Variants in PES1 observed in about 807,000 individuals in gnomAD.
PES1 encodes pescadillo homolog.
Under a neutral mutation model 77.1 loss-of-function variants are expected in PES1, and 31 were observed. The observed-to-expected ratio is 0.40, with a 90% CI of 0.30 to 0.54. The LOEUF (loss-of-function observed/expected upper bound fraction) is 0.54, where lower values mean the gene tolerates loss of function less well. Among genes scored for constraint, PES1 ranks in the 20% least tolerant of loss-of-function variants. The pLI is 0.45. For synonymous variants in PES1, 282 were observed against 303.0 expected (o/e 0.93, Z 0.72); for missense variants, 658 against 771.7 (o/e 0.85, Z 1.75).
chr22:30,597,870 A>C (rs576030621), intron 2 of PES1, among the ~76,000 whole-genome samples: 2 of 145,222 alleles, frequency 1.4e-5, no homozygotes, highest in Non-Finnish European at 3.0e-5. Flanking sequence ...TTTTCCACGC[A>C]GTTGAAGTTT....
chr22:30,585,038 A>G (rs558443280), intron 4 of PES1, among the ~76,000 whole-genome samples: 1 of 152,272 alleles, frequency 6.6e-6, no homozygotes, highest in South Asian at 2.1e-4. Context: ...CAGGGGCTCT[A>G]TGACTCTCTT....
rs1203020382 is a variant in PES1 at position 30,591,734 on chromosome 22, G to A, written c.24+76C>T. The A allele has an allele frequency of 5.4e-6, 8 of 1,494,854 alleles. No individual in the cohort carries two copies. The East Asian group carries it at 7.5e-5, about 14-fold the overall frequency. The allele number at this position is 1,494,854 out of a possible 1,614,324, so 92.6% of individuals were successfully genotyped here. On this transcript the variant is annotated intron_variant, in intron 1 of 14. Coordinates refer to ENST00000354694, the MANE Select transcript of PES1 (RefSeq NM_014303.4). Reference sequence around the variant, plus strand: ...TTCCAGTCTCCACGAGACGGAGCCCGGGAAAAGAGTCGACCCCATGCTCTG... The same window carrying A: ...TTCCAGTCTCCACGAGACGGAGCCCAGGAAAAGAGTCGACCCCATGCTCTG...
intron 4 of PES1, chr22:30,585,113 G>A (rs116936358): frequency 0.022 from 8,509 of 385,960 alleles, 148 homozygotes; most frequent in Non-Finnish European, 0.036. Flanking sequence ...ATGGGAAACC[G>A]AAGCTGCCCT....
intron 1 of PES1, chr22:30,606,578 T>A (rs2087447804): frequency 6.6e-6 from 1 of 152,414 alleles, no homozygotes; most frequent in African/African-American, 2.4e-5. Flanking sequence ...CTTGTTTTGT[T>A]TTGTCCTCTC....
intron 1 of PES1, among the ~76,000 whole-genome samples, chr22:30,590,233 TTTCTGTATCCCTCACAC>T (rs1458268483): frequency 2.0e-5 from 3 of 152,226 alleles, no homozygotes; most frequent in Non-Finnish European, 4.4e-5. Context: ...CACACCCACA[TTTCTGTATCCCTCACAC>T]TTCTGTATCC....
chr22:30,591,909 A>G lies in PES1; in HGVS notation c.-76T>C. 1 of 1,500,080 alleles carries G rather than the reference A, an allele frequency of 6.7e-7. No homozygotes were observed. The highest frequency in any genetic ancestry group is 2.6e-5 in the East Asian group (1 of 38,706). 92.9% of individuals were successfully genotyped at this position (1,500,080 alleles called of 1,614,324 possible). A position where few individuals can be genotyped will look rare whatever the true frequency, so the allele number is the denominator to read the frequency against. On this transcript the variant is annotated 5_prime_UTR_variant, in exon 1 of 15. Coordinates refer to ENST00000354694, the MANE Select transcript of PES1 (RefSeq NM_014303.4). ...TCCTCCCGCACGTGCCCTGCCAAGG[A>G]CCCCGAGGACCCTCCCCACCCCACG...
At chr22:30,598,102 C>G (rs1380945865) in intron 2 of PES1, among the ~76,000 whole-genome samples, 1 of 152,050 alleles carries the variant, frequency 6.6e-6, no homozygotes, top group Non-Finnish European at 1.5e-5. Flanking sequence ...CCGGGATGGT[C>G]TCGATCGCAG....
intron 9 of PES1, 93 bp downstream of exon 9, chr22:30,580,919 A>G: frequency 8.1e-7 from 1 of 1,228,020 alleles, no homozygotes; most frequent in South Asian, 1.4e-5. Flanking sequence ...CCATCAAATA[A>G]CACCTAATTA....
Position 30,576,840 on chromosome 22 carries a change from C to T in PES1, c.*206G>A, listed in dbSNP as rs1032354371. The T allele has an allele frequency of 7.4e-5, 44 of 591,296 alleles. No individual in the cohort carries two copies. In the East Asian group the frequency reaches 1.2e-3, roughly 16 times the overall value. 36.6% of individuals were successfully genotyped at this position (591,296 alleles called of 1,614,324 possible). Reference sequence around the variant, plus strand: ...ATCAGGCTGGGCACAGAGGCCTCTTCTCTGACCAGGCACCAGCAGGGCAGC... The same window carrying T: ...ATCAGGCTGGGCACAGAGGCCTCTTTTCTGACCAGGCACCAGCAGGGCAGC... On this transcript the variant is annotated 3_prime_UTR_variant, in exon 15 of 15. Transcript: ENST00000354694.
At chr22:30,593,426 G>A (rs186835079), upstream of PES1, among the ~76,000 whole-genome samples, 51 of 152,178 alleles carry the variant, frequency 3.4e-4, 1 homozygote, top group East Asian at 8.3e-3. Flanking sequence ...GGTAGATGTT[G>A]CAGTGAGCCA....
chr22:30,577,943 G>A (rs1004676399), intron 14 of PES1, among the ~76,000 whole-genome samples: 44 of 152,332 alleles, frequency 2.9e-4, no homozygotes, highest in Admixed American at 5.9e-4. Context: ...CATCACAGGG[G>A]ACAGGCCAGG....
chr22:30,598,912 T>TTTTTTATTGAGACGGAGTCTTGCTC (rs761643665), intron 2 of PES1, among the ~76,000 whole-genome samples: 1 of 116,414 alleles, frequency 8.6e-6, no homozygotes, highest in African/African-American at 3.4e-5. Flanking sequence ...TTTTTTTTTT[T>TTTTTTATTGAGACGGAGTCTTGCTC]TTGAGATGGA....
intron 12 of PES1, 53 bp from the exon 13 acceptor site, chr22:30,579,356 C>A (rs2086947797): frequency 1.9e-6 from 3 of 1,598,308 alleles, no homozygotes; most frequent in Non-Finnish European, 1.7e-6. Flanking sequence ...GTCTCTCTGG[C>A]AGGGTGACAA....
At position 30,577,102 on chromosome 22, in the gene PES1, C is replaced by T. The variant is rs766184229; in HGVS notation, c.1711G>A (p.Ala571Thr). Residue 571 changes from alanine (A) to threonine (T), a missense_variant, in exon 15 of 15, where the codon GCC becomes ACC. Physicochemically the swap from Ala to Thr is moderately conservative, Grantham distance 58 (BLOSUM62 0). Transcript: ENST00000354694. Reference sequence around the variant, plus strand: ...TCAGACCTCACCGCCTCATCGTGGGCTTTCCGCTTCTCCGCCAGCTTGTTG... The same window carrying T: ...TCAGACCTCACCGCCTCATCGTGGGTTTTCCGCTTCTCCGCCAGCTTGTTG... ...EANKLAEKRK[A>T]HDEAVRSEKK... 6.2e-7 allele frequency: 1 copy of T among 1,614,154 alleles called. No individual in the cohort carries two copies. Among genetic ancestry groups the T allele is most frequent in the Admixed American group, 1.7e-5 (1 of 60,026 alleles).
At position 30,578,744 on chromosome 22, in the gene PES1, C is replaced by G. The variant is rs984772541; in HGVS notation, c.1683+93G>C. Reference sequence around the variant, plus strand: ...AGGAAAAGGCTAGGAGAGCCTCAGTCTGCCTAGAGGAGGGCCCCAAGCCAC... The same window carrying G: ...AGGAAAAGGCTAGGAGAGCCTCAGTGTGCCTAGAGGAGGGCCCCAAGCCAC... On this transcript the variant is annotated intron_variant, in intron 14 of 14. Coordinates refer to ENST00000354694, the MANE Select transcript of PES1 (RefSeq NM_014303.4). 4.7e-5 allele frequency: 65 copies of G among 1,375,382 alleles called. No individual in the cohort carries two copies. In the East Asian group the frequency reaches 1.4e-3, roughly 30 times the overall value. 85.2% of individuals were successfully genotyped at this position (1,375,382 alleles called of 1,614,324 possible).
chr22:30,589,986 T>C (rs1196753619), intron 1 of PES1, among the ~76,000 whole-genome samples: 1 of 152,172 alleles, frequency 6.6e-6, no homozygotes, highest in Non-Finnish European at 1.5e-5. Flanking sequence ...CCTCAACCAA[T>C]TTTGTTCCCT....
At position 30,584,722 on chromosome 22, in the gene PES1, A is replaced by G. The variant is rs2087048649; in HGVS notation, c.369-5T>C. 2.5e-6 allele frequency: 4 copies of G among 1,613,292 alleles called. No individual in the cohort carries two copies. Among genetic ancestry groups the G allele is most frequent in the Non-Finnish European group, 3.4e-6 (4 of 1,179,926 alleles). ...GCATCGATGAACGTGGGATACCTGCATGGCCAGTGAGGCAGCACATGGGGC... is the reference window on the plus strand; with the variant it reads ...GCATCGATGAACGTGGGATACCTGCGTGGCCAGTGAGGCAGCACATGGGGC... On this transcript the variant is annotated splice_region_variant and splice_polypyrimidine_tract_variant and intron_variant, in intron 4 of 14. Coordinates refer to ENST00000354694, the MANE Select transcript of PES1 (RefSeq NM_014303.4).
chr22:30,596,973 C>A (rs1022780917), intron 2 of PES1, among the ~76,000 whole-genome samples: 2 of 151,978 alleles, frequency 1.3e-5, no homozygotes, highest in African/African-American at 4.8e-5. Context: ...CGGCCGGCCC[C>A]GCTGGCCACG....
At chr22:30,605,688 C>T (rs2087427354) in intron 1 of PES1, among the ~76,000 whole-genome samples, 1 of 152,216 alleles carries the variant, frequency 6.6e-6, no homozygotes, top group Non-Finnish European at 1.5e-5. Flanking sequence ...GGCCTCCCTC[C>T]TTCCTCAGAA....
Sources: gnomAD v4.1 joint callset for allele counts (sites outside exome capture counted in the v4.1 genomes callset) on GRCh38, gnomAD v4.1.1 for gene constraint, MANE v1.5 for transcripts, NCBI Gene and HGNC (gene_info 2026-07-23, HGNC 2026-07-21) for gene names.